The following RBFOX1 variants were observed in gnomAD, a reference collection of about 807,000 sequenced individuals.
RBFOX1 encodes the protein RNA binding protein fox-1 homolog 1.
A neutral mutation model predicts 57.7 loss-of-function variants in RBFOX1; 8 were observed. The ratio of observed to expected loss-of-function variants is 0.14; its 90% CI spans 0.08 to 0.25. RBFOX1 has a LOEUF of 0.25. Ranked by LOEUF, RBFOX1 falls within the 10% of genes least tolerant of loss-of-function variation. The pLI is 1.00. For synonymous variants in RBFOX1, 326 were observed against 222.4 expected, an observed-to-expected ratio of 1.47 and a Z score of -4.15; for missense variants, 611 against 548.5, an observed-to-expected ratio of 1.11 and a Z score of -1.14.
rs187621766 is a variant in RBFOX1 at position 5,451,276 on chromosome 16, C to G, written c.220-15940C>G. ...GAACAAAGATATCCTGCTGAAGGAT[C>G]AGGAAATGAGAGATAGAAAGGAGAC... On this transcript the variant is annotated intron_variant, in intron 1 of 2. Transcript: ENST00000585867. Among the ~76,000 whole-genome samples, 97 of 152,278 alleles carry G rather than the reference C, an allele frequency of 6.4e-4. No homozygotes were observed. The East Asian group carries it at 0.013, about 20-fold the overall frequency.
At chr16:6,915,243 C>A (rs1042264131) in intron 3 of RBFOX1, among the ~76,000 whole-genome samples, 2 of 152,084 alleles carry the variant, frequency 1.3e-5, no homozygotes, top group African/African-American at 2.4e-5. Context: ...AGCCTGTGGT[C>A]CTCAGCATTT....
At position 7,437,920 on chromosome 16, in the gene RBFOX1, A is replaced by G. The variant is rs535549409; in HGVS notation, c.28-80227A>G. ...AGACAAATTGCTTAAAAAAAAAAAA[A>G]GCACACCGCGATCATCAATTTAAAT... On this transcript the variant is annotated intron_variant, in intron 4 of 15. Transcript: ENST00000550418. Among the ~76,000 whole-genome samples the G allele has an allele frequency of 1.3e-4, 20 of 149,944 alleles. No individual in the cohort carries two copies. In the South Asian group the frequency reaches 4.2e-3, roughly 32 times the overall value.
intron 10 of RBFOX1, among the ~76,000 whole-genome samples, chr16:7,611,512 G>A (rs1315686938): frequency 1.3e-5 from 2 of 151,724 alleles, no homozygotes; most frequent in East Asian, 1.9e-4. Context: ...CTGGGAGGCA[G>A]AGGTTGCAGT....
intron 2 of RBFOX1, among the ~76,000 whole-genome samples, chr16:6,554,539 A>C (rs2097057722): frequency 6.6e-6 from 1 of 152,012 alleles, no homozygotes; most frequent in Non-Finnish European, 1.5e-5. Flanking sequence ...TGGTTTATGA[A>C]CTCTATCTCA....
At chr16:7,702,422 T>G (rs1356644028) in intron 14 of RBFOX1, among the ~76,000 whole-genome samples, 1 of 152,210 alleles carries the variant, frequency 6.6e-6, no homozygotes. Context: ...TCAGAAGCCT[T>G]CAGCCTCTTT....
At chr16:5,619,350 G>A (rs1363080312) in intron 3 of RBFOX1, among the ~76,000 whole-genome samples, 2 of 152,076 alleles carry the variant, frequency 1.3e-5, no homozygotes, top group African/African-American at 2.4e-5. Context: ...GCCCAGGGAC[G>A]GGCATGTTCA....
chr16:6,619,891 G>T (rs2098201997), intron 2 of RBFOX1, among the ~76,000 whole-genome samples: 1 of 151,378 alleles, frequency 6.6e-6, no homozygotes, highest in Admixed American at 6.6e-5. Flanking sequence ...CGCAGTTTGT[G>T]TTGTTCCCCT....
rs147649617 is a variant in RBFOX1 at position 7,196,559 on chromosome 16, C to G, written c.27+144461C>G. On this transcript the variant is annotated intron_variant, in intron 4 of 15. Coordinates refer to ENST00000550418, the MANE Select transcript of RBFOX1 (RefSeq NM_018723.4). ...TTTAAATGCACAAACCCACTTCACC[C>G]TGACAACAATCCTGAGCCATGAATA... is the stretch of plus-strand genomic sequence containing the variant. 2.0e-3 allele frequency among the ~76,000 whole-genome samples: 306 copies of G among 152,320 alleles called. 1 individual carries two copies. The highest frequency in any genetic ancestry group is 6.9e-3 in the African/African-American group (288 of 41,566).
At chr16:7,599,011 C>T (rs760831238) in intron 9 of RBFOX1, among the ~76,000 whole-genome samples, 6 of 152,136 alleles carry the variant, frequency 3.9e-5, no homozygotes, top group Non-Finnish European at 7.3e-5. Flanking sequence ...AGGGACATAC[C>T]GTCTATATAA....
rs1198385117 is a variant in RBFOX1 at position 6,747,462 on chromosome 16, G to GTCTA, written c.-16+92815_-16+92816insATCT. 4.7e-3 allele frequency among the ~76,000 whole-genome samples: 707 copies of GTCTA among 151,570 alleles called. 2 individuals are homozygous for GTCTA. The highest frequency in any genetic ancestry group is 6.9e-3 in the Non-Finnish European group (467 of 67,902). On this transcript the variant is annotated intron_variant, in intron 3 of 15. Transcript: ENST00000550418. Reference sequence around the variant, plus strand: ...AGTCAGTTAGTCTGTCTGTCTGTCTGTCTGTCTGTCTGTTTATCTATCTGT... The same window carrying GTCTA: ...AGTCAGTTAGTCTGTCTGTCTGTCTGTCTATCTGTCTGTCTGTTTATCTATCTGT...
At chr16:6,875,811 T>C (rs2881228) in intron 3 of RBFOX1, among the ~76,000 whole-genome samples, 35,450 of 151,640 alleles carry the variant, frequency 0.23, 4,276 homozygotes, top group East Asian at 0.28. Flanking sequence ...TCAAGACCAG[T>C]CTGGGGAACA....
intron 1 of RBFOX1, among the ~76,000 whole-genome samples, chr16:6,065,711 C>G (rs779791854): frequency 6.6e-6 from 1 of 152,174 alleles, no homozygotes; most frequent in Non-Finnish European, 1.5e-5. Context: ...GCCCCTTCCT[C>G]TGTAGACCTA....
At chr16:7,498,670 C>T (rs1001823886) in intron 4 of RBFOX1, among the ~76,000 whole-genome samples, 2 of 152,114 alleles carry the variant, frequency 1.3e-5, no homozygotes, top group African/African-American at 2.4e-5. Flanking sequence ...ATCTGGCGTG[C>T]AGTTGCCATG....
At chr16:6,176,948 G>A (rs895783944) in intron 1 of RBFOX1, among the ~76,000 whole-genome samples, 4 of 152,268 alleles carry the variant, frequency 2.6e-5, no homozygotes, top group Admixed American at 6.5e-5. Flanking sequence ...TGGACATAGT[G>A]GTTCAACCTG....
intron 3 of RBFOX1, among the ~76,000 whole-genome samples, chr16:6,891,228 G>A (rs1196035111): frequency 6.6e-6 from 1 of 152,148 alleles, no homozygotes; most frequent in East Asian, 1.9e-4. Flanking sequence ...ACAAATTATA[G>A]AATATGAATC....
intron 4 of RBFOX1, among the ~76,000 whole-genome samples, chr16:7,155,736 T>C (rs77510913): frequency 0.4 from 32,456 of 81,624 alleles, 6,667 homozygotes; most frequent in East Asian, 0.47. Flanking sequence ...TATATATATA[T>C]ATACACACAC....
intron 12 of RBFOX1, among the ~76,000 whole-genome samples, chr16:7,654,660 G>A (rs944103833): frequency 1.3e-5 from 2 of 152,116 alleles, no homozygotes; most frequent in East Asian, 3.9e-4. Context: ...AATGATACTG[G>A]TGTGTTTGGT....
At chr16:6,526,694 G>A (rs189086428) in intron 2 of RBFOX1, among the ~76,000 whole-genome samples, 1 of 151,512 alleles carries the variant, frequency 6.6e-6, no homozygotes, top group South Asian at 2.1e-4. Context: ...GCCGGGCGTG[G>A]TGGTGGGCAC....
intron 3 of RBFOX1, among the ~76,000 whole-genome samples, chr16:6,959,706 G>A (rs2082568291): frequency 6.6e-6 from 1 of 152,124 alleles, no homozygotes; most frequent in South Asian, 2.1e-4. Context: ...GGAGGCTGAG[G>A]TAGGCGGATC....
Sources: gnomAD v4.1 joint callset for allele counts (sites outside exome capture counted in the v4.1 genomes callset) on GRCh38, gnomAD v4.1.1 for gene constraint, MANE v1.5 for transcripts, NCBI Gene and HGNC (gene_info 2026-07-23, HGNC 2026-07-21) for gene names.